Variants in RSRC1 observed in about 807,000 individuals in gnomAD.
RSRC1 encodes serine/Arginine-related protein 53.
A neutral mutation model predicts 49.1 loss-of-function variants in RSRC1; 39 were observed. The ratio of observed to expected loss-of-function variants is 0.79; its 90% CI spans 0.61 to 1.04. The LOEUF (loss-of-function observed/expected upper bound fraction) is 1.04. RSRC1 is among the 50% of genes least tolerant of loss of function. RSRC1 has a pLI of 0.00. For missense variants in RSRC1, 388 were observed against 402.4 expected, an observed-to-expected ratio of 0.96 and a Z score of 0.31; for synonymous variants, 143 against 130.8, an observed-to-expected ratio of 1.09 and a Z score of -0.63.
At chr3:158,253,324 C>T (rs73166351) in intron 4 of RSRC1, among the ~76,000 whole-genome samples, 20,928 of 151,880 alleles carry the variant, frequency 0.14, 1,579 homozygotes, top group Middle Eastern at 0.21. Context: ...ATTTCTTCAT[C>T]GAGCCACTCA....
Position 158,364,598 on chromosome 3 carries a change from C to T in RSRC1, c.583+9690C>T, listed in dbSNP as rs543807956. Among the ~76,000 whole-genome samples the T allele has an allele frequency of 1.8e-4, 28 of 151,946 alleles. No individual in the cohort carries two copies. In the East Asian group the frequency reaches 3.1e-3, roughly 17 times the overall value. On this transcript the variant is annotated intron_variant, in intron 6 of 9. Coordinates refer to ENST00000611884, the MANE Select transcript of RSRC1 (RefSeq NM_001271838.2). ...ACTAATGGGTTGTTGTTATGGATTTCAATGAGTTAGTATTTATAAAACACT... is the reference window on the plus strand; with the variant it reads ...ACTAATGGGTTGTTGTTATGGATTTTAATGAGTTAGTATTTATAAAACACT...
Position 158,517,052 on chromosome 3 carries a change from G to A in RSRC1, c.653-20040G>A, listed in dbSNP as rs181765390. 3.7e-3 allele frequency among the ~76,000 whole-genome samples: 564 copies of A among 152,294 alleles called. 4 individuals carry two copies. The highest frequency in any genetic ancestry group is 0.017 in the South Asian group (83 of 4,824). On this transcript the variant is annotated intron_variant, in intron 7 of 9. Coordinates refer to ENST00000611884, the MANE Select transcript of RSRC1 (RefSeq NM_001271838.2). ...TCAGATGGAAATGCAGAAATCACCC[G>A]TCTTCTGCGTCGCTCACGCTGGGAG...
At chr3:158,280,241 G>A (rs543385600) in intron 4 of RSRC1, among the ~76,000 whole-genome samples, 227 of 152,168 alleles carry the variant, frequency 1.5e-3, no homozygotes, top group Non-Finnish European at 8.8e-4. Context: ...AGGCTGTAGC[G>A]AGCGAGCATG....
At position 158,393,137 on chromosome 3, in the gene RSRC1, A is replaced by G. The variant is rs578142657; in HGVS notation, c.583+38229A>G. Among the ~76,000 whole-genome samples the G allele has an allele frequency of 2.0e-5, 3 of 152,234 alleles. No individual in the cohort carries two copies. In the South Asian group the frequency reaches 6.2e-4, roughly 32 times the overall value. On this transcript the variant is annotated intron_variant, in intron 6 of 9. Coordinates refer to ENST00000611884, the MANE Select transcript of RSRC1 (RefSeq NM_001271838.2). Reference sequence around the variant, plus strand: ...AAACTAATGAAAACAAAAGTACAACATAACAGAATCTCTGGGACATAGCTA... The same window carrying G: ...AAACTAATGAAAACAAAAGTACAACGTAACAGAATCTCTGGGACATAGCTA...
chr3:158,148,005 C>G (rs2108207531), intron 3 of RSRC1, among the ~76,000 whole-genome samples: 1 of 152,050 alleles, frequency 6.6e-6, no homozygotes, highest in Non-Finnish European at 1.5e-5. Flanking sequence ...TTTCTTTATC[C>G]CATCGTGAAC....
At chr3:158,273,225 T>G (rs1725620108) in intron 4 of RSRC1, among the ~76,000 whole-genome samples, 1 of 152,080 alleles carries the variant, frequency 6.6e-6, no homozygotes, top group Admixed American at 6.6e-5. Context: ...GTTTTTATTA[T>G]TGGAGGGTTA....
intron 7 of RSRC1, among the ~76,000 whole-genome samples, chr3:158,515,071 A>C (rs1476617713): frequency 9.5e-5 from 14 of 147,252 alleles, no homozygotes; most frequent in East Asian, 4.0e-4. Flanking sequence ...CTCTTTATCC[A>C]ACTTGCCAGT....
At chr3:158,372,967 A>C (rs930711552) in intron 6 of RSRC1, among the ~76,000 whole-genome samples, 3 of 151,798 alleles carry the variant, frequency 2.0e-5, no homozygotes, top group Non-Finnish European at 4.4e-5. Flanking sequence ...GTAAATAGTA[A>C]GTTTTTGTTT....
chr3:158,154,114 G>C (rs958999150), intron 3 of RSRC1, among the ~76,000 whole-genome samples: 1 of 152,066 alleles, frequency 6.6e-6, no homozygotes, highest in Admixed American at 6.6e-5. Flanking sequence ...GAATTTTTTT[G>C]TTTCCCAGTG....
chr3:158,487,814 G>A (rs1312113800), intron 7 of RSRC1, among the ~76,000 whole-genome samples: 2 of 151,816 alleles, frequency 1.3e-5, no homozygotes, highest in Admixed American at 6.6e-5. Context: ...GCCGGACATG[G>A]TGGTGGGTCC....
chr3:158,475,595 G>C (rs1231581049), intron 7 of RSRC1, among the ~76,000 whole-genome samples: 3 of 152,226 alleles, frequency 2.0e-5, no homozygotes, highest in Non-Finnish European at 2.9e-5. Flanking sequence ...TGTGATGACT[G>C]ATCAGTGGTC....
chr3:158,306,013 T>C (rs935419392), intron 5 of RSRC1, among the ~76,000 whole-genome samples: 2 of 152,054 alleles, frequency 1.3e-5, no homozygotes, highest in Admixed American at 6.6e-5. Context: ...ATAAAAACAA[T>C]ATCTTAATTC....
At position 158,248,540 on chromosome 3, in the gene RSRC1, G is replaced by A. The variant is rs74805723; in HGVS notation, c.494+45295G>A. On this transcript the variant is annotated intron_variant, in intron 4 of 9. Transcript: ENST00000611884. ...TGAGCATTTATATATAGTTCTTTAA[G>A]TAGACATGTTTTTGTTATCTGGAAA... Among the ~76,000 whole-genome samples the A allele has an allele frequency of 9.2e-5, 14 of 151,530 alleles. No individual in the cohort carries two copies. In the East Asian group the frequency reaches 2.3e-3, roughly 25 times the overall value.
chr3:158,330,516 A>T (rs1430881755), intron 5 of RSRC1, among the ~76,000 whole-genome samples: 1 of 152,148 alleles, frequency 6.6e-6, no homozygotes, highest in East Asian at 1.9e-4. Flanking sequence ...GCAATTTTGG[A>T]CACCTTTTCG....
intron 7 of RSRC1, 134 bp from the exon 8 acceptor site, chr3:158,536,958 G>C: frequency 1.6e-6 from 1 of 614,036 alleles, no homozygotes; most frequent in South Asian, 2.0e-5. Flanking sequence ...CAGAACAAAA[G>C]AGTTTCTTGT....
chr3:158,523,430 G>C (rs1560075428), intron 7 of RSRC1, among the ~76,000 whole-genome samples: 3 of 151,884 alleles, frequency 2.0e-5, no homozygotes, highest in Admixed American at 2.0e-4. Flanking sequence ...TATTACTATA[G>C]GGATAGACAT....
At chr3:158,126,318 GT>G (rs1238796895) in intron 3 of RSRC1, among the ~76,000 whole-genome samples, 1 of 150,444 alleles carries the variant, frequency 6.6e-6, no homozygotes, top group African/African-American at 2.4e-5. Context: ...CTTCCTTTTT[GT>G]TTTGTTGATT....
intron 3 of RSRC1, among the ~76,000 whole-genome samples, chr3:158,196,578 C>A (rs1373115560): frequency 6.6e-6 from 1 of 152,078 alleles, no homozygotes; most frequent in Non-Finnish European, 1.5e-5. Flanking sequence ...TGTCTTGTGC[C>A]AGTTTTCAAA....
At chr3:158,116,945 C>T (rs1336093241) in intron 1 of RSRC1, among the ~76,000 whole-genome samples, 1 of 151,894 alleles carries the variant, frequency 6.6e-6, no homozygotes, top group Non-Finnish European at 1.5e-5. Context: ...TGATACTCTT[C>T]TTTTCATGGA....
Sources: gnomAD v4.1 joint callset for allele counts (sites outside exome capture counted in the v4.1 genomes callset) on GRCh38, gnomAD v4.1.1 for gene constraint, MANE v1.5 for transcripts, NCBI Gene and HGNC (gene_info 2026-07-23, HGNC 2026-07-21) for gene names.